Variants in THSD7B observed in about 807,000 individuals in gnomAD.
THSD7B encodes the protein thrombospondin type 1 domain containing 7B, also known as thrombospondin type-1 domain-containing protein 7B.
In THSD7B, 138 loss-of-function variants were observed where a neutral mutation model predicts 213.6. That is an observed-to-expected ratio of 0.65 (90% CI 0.56 to 0.74). THSD7B has a LOEUF of 0.74. THSD7B is among the 30% of genes least tolerant of loss of function. The pLI is 0.00. For synonymous variants in THSD7B, 742 were observed against 687.0 expected (o/e 1.08, Z -1.25); for missense variants, 1,931 against 1,991.5 (o/e 0.97, Z 0.58).
intron 2 of THSD7B, among the ~76,000 whole-genome samples, chr2:137,021,564 A>G (rs1485054595): frequency 2.0e-5 from 3 of 152,236 alleles, no homozygotes; most frequent in Non-Finnish European, 2.9e-5. Flanking sequence ...TTGTGAATTC[A>G]CATACATTTG....
chr2:137,364,646 A>G (rs1685361293), intron 12 of THSD7B, among the ~76,000 whole-genome samples: 2 of 152,158 alleles, frequency 1.3e-5, no homozygotes, highest in South Asian at 2.1e-4. Flanking sequence ...CACAACTGCT[A>G]GAAAGAGAAT....
chr2:137,641,281 C>T (rs62168024), intron 20 of THSD7B, among the ~76,000 whole-genome samples: 9,320 of 152,218 alleles, frequency 0.061, 395 homozygotes, highest in Middle Eastern at 0.17. Flanking sequence ...ACCTCACCAT[C>T]TCTTCACGTG....
chr2:137,571,055 C>G (rs1681344928), intron 16 of THSD7B, among the ~76,000 whole-genome samples: 1 of 152,182 alleles, frequency 6.6e-6, no homozygotes, highest in Non-Finnish European at 1.5e-5. Context: ...GTGAACACAA[C>G]TGTGTAACCA....
intron 15 of THSD7B, among the ~76,000 whole-genome samples, chr2:137,554,150 C>G (rs1680904522): frequency 6.6e-6 from 1 of 151,940 alleles, no homozygotes; most frequent in African/African-American, 2.4e-5. Context: ...TCCTTCTAAT[C>G]ATCCTTTGTG....
Position 136,822,051 on chromosome 2 carries a change from G to A in THSD7B, c.-36+56364G>A, listed in dbSNP as rs566171035. The stretch of plus-strand genomic sequence containing the variant: ...CACCCTTATTTCAAGCCCCTCTGAA[G>A]AGGGAGAGAACCATATTCACACTAG... On this transcript the variant is annotated intron_variant, in intron 1 of 27. Transcript: ENST00000409968. 2.1e-3 allele frequency among the ~76,000 whole-genome samples: 327 copies of A among 152,286 alleles called. 2 individuals carry two copies. Among genetic ancestry groups the A allele is most frequent in the South Asian group, 5.0e-3 (24 of 4,816 alleles).
At chr2:137,420,346 A>G (rs540430081) in intron 14 of THSD7B, among the ~76,000 whole-genome samples, 1 of 152,196 alleles carries the variant, frequency 6.6e-6, no homozygotes, top group East Asian at 1.9e-4. Flanking sequence ...TTAATTTGCA[A>G]CTTAATTCTC....
intron 1 of THSD7B, among the ~76,000 whole-genome samples, chr2:136,771,400 T>C (rs1176432830): frequency 6.6e-6 from 1 of 152,190 alleles, no homozygotes; most frequent in Non-Finnish European, 1.5e-5. Flanking sequence ...TAAATTATGC[T>C]TATTTCTTGA....
intron 15 of THSD7B, among the ~76,000 whole-genome samples, chr2:137,495,064 G>A (rs1421699292): frequency 6.6e-6 from 1 of 152,094 alleles, no homozygotes; most frequent in Non-Finnish European, 1.5e-5. Flanking sequence ...CTAATTGTTT[G>A]TTGTTTGTCT....
intron 2 of THSD7B, among the ~76,000 whole-genome samples, chr2:136,931,836 T>C (rs1334902078): frequency 6.6e-6 from 1 of 152,216 alleles, no homozygotes; most frequent in Non-Finnish European, 1.5e-5. Flanking sequence ...TATAGTATAT[T>C]GGCACATTTA....
intron 27 of THSD7B, among the ~76,000 whole-genome samples, chr2:137,673,668 G>T (rs143230940): frequency 2.0e-5 from 3 of 152,284 alleles, no homozygotes; most frequent in South Asian, 2.1e-4. Flanking sequence ...TGTTGGCCTT[G>T]CTGAGTGCAG....
Position 137,563,372 on chromosome 2 carries a change from G to A in THSD7B, c.3272+18G>A, listed in dbSNP as rs762251254. 7 of 1,611,228 alleles carry A rather than the reference G, an allele frequency of 4.3e-6. No individual in the cohort carries two copies. In the South Asian group the frequency reaches 5.5e-5, roughly 13 times the overall value. On this transcript the variant is annotated intron_variant, in intron 16 of 27. Coordinates refer to ENST00000409968, the MANE Select transcript of THSD7B (RefSeq NM_001316349.2). ...AAAATCAGGTGTGTGAAAATGGAGA[G>A]ATTTGGGAAATAGGGGGAAGTGGAA...
At chr2:137,358,996 C>A (rs1226667502) in intron 12 of THSD7B, among the ~76,000 whole-genome samples, 3 of 152,162 alleles carry the variant, frequency 2.0e-5, no homozygotes, top group African/African-American at 7.2e-5. Context: ...ACACATATTC[C>A]TCAACTGAAA....
intron 1 of THSD7B, among the ~76,000 whole-genome samples, chr2:136,837,831 C>A (rs1573662186): frequency 6.6e-6 from 1 of 152,118 alleles, no homozygotes; most frequent in African/African-American, 2.4e-5. Flanking sequence ...TCCTACCTTG[C>A]AATTAATATT....
chr2:137,319,182 A>G (rs1364609188), intron 12 of THSD7B, among the ~76,000 whole-genome samples: 1 of 152,094 alleles, frequency 6.6e-6, no homozygotes, highest in East Asian at 1.9e-4. Flanking sequence ...TTGAAGACAA[A>G]AAAAAGGGAG....
At chr2:137,238,853 A>G (rs949669463) in intron 9 of THSD7B, among the ~76,000 whole-genome samples, 4 of 152,178 alleles carry the variant, frequency 2.6e-5, no homozygotes, top group Non-Finnish European at 5.9e-5. Flanking sequence ...GCGCCCGGCC[A>G]TGACACTCAT....
intron 15 of THSD7B, among the ~76,000 whole-genome samples, chr2:137,494,952 A>C (rs974074721): frequency 6.6e-6 from 1 of 152,190 alleles, no homozygotes; most frequent in Non-Finnish European, 1.5e-5. Context: ...TTCTCTAAGA[A>C]TGCTGCCTTG....
chr2:137,198,054 C>T (rs1017993285), intron 7 of THSD7B, among the ~76,000 whole-genome samples: 1 of 152,120 alleles, frequency 6.6e-6, no homozygotes, highest in African/African-American at 2.4e-5. Flanking sequence ...GTGTCTACTT[C>T]ATCTTTCTGC....
intron 15 of THSD7B, among the ~76,000 whole-genome samples, chr2:137,555,319 C>T (rs1211903234): frequency 3.3e-5 from 5 of 152,280 alleles, no homozygotes; most frequent in South Asian, 2.1e-4. Flanking sequence ...ACACCTCATA[C>T]GGCCAGGTAC....
chr2:137,607,568 A>AT (rs1479589279), intron 17 of THSD7B, among the ~76,000 whole-genome samples: 7 of 152,104 alleles, frequency 4.6e-5, no homozygotes, highest in Non-Finnish European at 1.0e-4. Context: ...TAGTGTTTAT[A>AT]TTTTTTTGAT....
Sources: allele counts gnomAD v4.1 joint callset (sites outside exome capture counted in the v4.1 genomes callset), GRCh38; gene constraint gnomAD v4.1.1; transcripts MANE v1.5; gene names NCBI Gene and HGNC (gene_info 2026-07-23, HGNC 2026-07-21).